Variants in TRPS1 observed in about 807,000 individuals in gnomAD.
The protein encoded by TRPS1 is zinc finger transcription factor Trps1.
Under a neutral mutation model 101.2 loss-of-function variants are expected in TRPS1, and 6 were observed. That is an observed-to-expected ratio of 0.06 (90% confidence interval 0.03 to 0.12). TRPS1 has a LOEUF of 0.12. Ranked by LOEUF, TRPS1 falls within the 10% of genes least tolerant of loss-of-function variation. The pLI, the probability that TRPS1 is intolerant of heterozygous loss-of-function variation, is 1.00. For synonymous variants in TRPS1, 578 were observed against 589.8 expected, an observed-to-expected ratio of 0.98 and a Z score of 0.29; for missense variants, 1,363 against 1,567.0, an observed-to-expected ratio of 0.87 and a Z score of 2.20.
intron 1 of TRPS1, among the ~76,000 whole-genome samples, chr8:115,656,397 T>C (rs571092091): frequency 1.3e-5 from 2 of 152,286 alleles, no homozygotes; most frequent in South Asian, 4.1e-4. Context: ...GATTTAATTT[T>C]TAACCCTGTG....
At chr8:115,475,270 A>T (rs1269456341) in intron 5 of TRPS1, among the ~76,000 whole-genome samples, 6 of 24,614 alleles carry the variant, frequency 2.4e-4, no homozygotes, top group Admixed American at 2.4e-3. Context: ...TCACAGTTAT[A>T]TATATATATA....
intron 5 of TRPS1, among the ~76,000 whole-genome samples, chr8:115,516,316 T>G (rs1168515734): frequency 6.6e-6 from 1 of 151,446 alleles, no homozygotes. Flanking sequence ...TATTTCATAC[T>G]CGTCTCTACA....
chr8:115,643,548 A>G (rs1182651427), intron 1 of TRPS1, among the ~76,000 whole-genome samples: 1 of 152,182 alleles, frequency 6.6e-6, no homozygotes, highest in Non-Finnish European at 1.5e-5. Flanking sequence ...CAATTCAGTC[A>G]TATCTTCAGG....
At chr8:115,439,207 C>T (rs189906393) in intron 5 of TRPS1, among the ~76,000 whole-genome samples, 6 of 152,290 alleles carry the variant, frequency 3.9e-5, no homozygotes, top group Admixed American at 3.9e-4. Flanking sequence ...CATTTATTTA[C>T]ACCTGCTTTA....
At chr8:115,574,906 A>G (rs1259971552) in intron 5 of TRPS1, among the ~76,000 whole-genome samples, 1 of 152,046 alleles carries the variant, frequency 6.6e-6, no homozygotes, top group Non-Finnish European at 1.5e-5. Context: ...CACTTTTTCC[A>G]CTATAATAAT....
chr8:115,648,180 G>T (rs1455225985), intron 1 of TRPS1, among the ~76,000 whole-genome samples: 3 of 152,166 alleles, frequency 2.0e-5, no homozygotes, highest in Non-Finnish European at 4.4e-5. Context: ...GGGAAGTGGG[G>T]AGAAGGGCAG....
intron 5 of TRPS1, among the ~76,000 whole-genome samples, chr8:115,570,264 C>A (rs1817169610): frequency 6.6e-6 from 1 of 151,834 alleles, no homozygotes; most frequent in African/African-American, 2.4e-5. Context: ...AAATAATGCA[C>A]AAAGTAATAA....
chr8:115,530,044 T>A (rs1382790017), intron 5 of TRPS1, among the ~76,000 whole-genome samples: 1 of 152,112 alleles, frequency 6.6e-6, no homozygotes, highest in Non-Finnish European at 1.5e-5. Context: ...TTCCTATATT[T>A]TCCTCCCAAT....
At chr8:115,648,349 A>C (rs536820092) in intron 1 of TRPS1, among the ~76,000 whole-genome samples, 43 of 152,150 alleles carry the variant, frequency 2.8e-4, no homozygotes, top group Non-Finnish European at 5.3e-4. Context: ...AGGTAACCGG[A>C]GGGAACGGGC....
At chr8:115,611,992 A>G (rs1335584346) in intron 3 of TRPS1, among the ~76,000 whole-genome samples, 1 of 152,118 alleles carries the variant, frequency 6.6e-6, no homozygotes, top group Admixed American at 6.5e-5. Flanking sequence ...CATACTTGCT[A>G]TAAAATGTAG....
At chr8:115,599,605 T>A (rs969601318) in intron 4 of TRPS1, among the ~76,000 whole-genome samples, 1 of 152,176 alleles carries the variant, frequency 6.6e-6, no homozygotes, top group Non-Finnish European at 1.5e-5. Context: ...TGGTTTTCTG[T>A]TCCTGTGTTA....
intron 5 of TRPS1, among the ~76,000 whole-genome samples, chr8:115,557,636 T>C (rs954295032): frequency 1.3e-5 from 2 of 152,122 alleles, no homozygotes; most frequent in Non-Finnish European, 2.9e-5. Context: ...CTTTCCGCCA[T>C]GATTATAAGT....
At chr8:115,431,113 A>T (rs1813308618) in intron 5 of TRPS1, among the ~76,000 whole-genome samples, 1 of 152,064 alleles carries the variant, frequency 6.6e-6, no homozygotes, top group Non-Finnish European at 1.5e-5. Flanking sequence ...TACTCAGTTA[A>T]CATAAACATA....
chr8:115,419,118 A>G (rs1004157135), intron 5 of TRPS1, among the ~76,000 whole-genome samples: 2 of 152,158 alleles, frequency 1.3e-5, no homozygotes, highest in African/African-American at 4.8e-5. Context: ...AGACCCTTCA[A>G]TGGCTATTTA....
intron 5 of TRPS1, among the ~76,000 whole-genome samples, chr8:115,525,415 T>C (rs1815972285): frequency 2.0e-5 from 3 of 152,044 alleles, no homozygotes; most frequent in Admixed American, 6.6e-5. Flanking sequence ...GCGTTCCACA[T>C]GGTGTTGTGG....
intron 5 of TRPS1, among the ~76,000 whole-genome samples, chr8:115,494,116 T>C (rs1484483313): frequency 1.3e-5 from 2 of 152,210 alleles, no homozygotes; most frequent in Non-Finnish European, 2.9e-5. Context: ...CAGTAGCTAA[T>C]TCTTCTTTCC....
chr8:115,456,854 T>C (rs1814039461), intron 5 of TRPS1, among the ~76,000 whole-genome samples: 1 of 152,056 alleles, frequency 6.6e-6, no homozygotes. Context: ...CTAAAGAGAA[T>C]GACTTAGCAA....
intron 5 of TRPS1, among the ~76,000 whole-genome samples, chr8:115,542,530 A>C (rs1248653171): frequency 6.6e-6 from 1 of 152,122 alleles, no homozygotes; most frequent in Non-Finnish European, 1.5e-5. Context: ...TCCAGAACTT[A>C]GAAAAAAAAA....
intron 1 of TRPS1, among the ~76,000 whole-genome samples, chr8:115,662,274 C>G (rs1000427459): frequency 3.2e-4 from 48 of 151,898 alleles, no homozygotes; most frequent in Non-Finnish European, 1.2e-4. Flanking sequence ...AAAGACTGTA[C>G]TCTTCCTTGT....
Sources: allele counts gnomAD v4.1 joint callset (sites outside exome capture counted in the v4.1 genomes callset), GRCh38; gene constraint gnomAD v4.1.1; transcripts MANE v1.5; gene names NCBI Gene and HGNC (gene_info 2026-07-23, HGNC 2026-07-21).